Variants in PTPRD observed in about 807,000 individuals in gnomAD.
PTPRD encodes the protein protein tyrosine phosphatase receptor type D.
Under a neutral mutation model 214.5 loss-of-function variants are expected in PTPRD, and 34 were observed. The observed-to-expected ratio is 0.16, with a 90% confidence interval of 0.12 to 0.21. The LOEUF is 0.21. Among genes scored for constraint, PTPRD ranks in the 10% least tolerant of loss-of-function variants. The probability of loss-of-function intolerance (pLI) is 1.00; values close to 1 mark genes in which losing one functional copy is unlikely to be tolerated. For missense variants in PTPRD, 2,545 were observed against 2,398.7 expected (o/e 1.06, Z -1.27); for synonymous variants, 1,128 against 845.7 (o/e 1.33, Z -5.79).
intron 11 of PTPRD, among the ~76,000 whole-genome samples, chr9:8,931,291 T>G (rs1016208877): frequency 1.3e-5 from 2 of 151,998 alleles, no homozygotes; most frequent in Non-Finnish European, 2.9e-5. Flanking sequence ...GTATTATTTT[T>G]GAGGGCTCTG....
At chr9:10,060,123 T>C (rs1192849195) in intron 3 of PTPRD, among the ~76,000 whole-genome samples, 1 of 152,046 alleles carries the variant, frequency 6.6e-6, no homozygotes, top group Non-Finnish European at 1.5e-5. Flanking sequence ...TTTGCTAAAA[T>C]AGCTTTGTCT....
intron 9 of PTPRD, among the ~76,000 whole-genome samples, chr9:9,305,186 A>G (rs1407929518): frequency 6.6e-6 from 1 of 150,454 alleles, no homozygotes; most frequent in Non-Finnish European, 1.5e-5. Flanking sequence ...CAGACATTCC[A>G]TTTTCCAAAA....
intron 5 of PTPRD, among the ~76,000 whole-genome samples, chr9:9,913,356 A>G (rs753690804): frequency 2.8e-4 from 42 of 152,274 alleles, no homozygotes; most frequent in South Asian, 2.1e-3. Flanking sequence ...AATACATGCT[A>G]TATAAATTGC....
At chr9:8,933,327 C>T (rs1381324123) in intron 11 of PTPRD, among the ~76,000 whole-genome samples, 2 of 86,724 alleles carry the variant, frequency 2.3e-5, no homozygotes, top group African/African-American at 8.2e-5. Context: ...ATCTTGCCAG[C>T]CACAACCTTG....
At chr9:10,254,942 A>C (rs2093125638) in intron 3 of PTPRD, among the ~76,000 whole-genome samples, 1 of 151,986 alleles carries the variant, frequency 6.6e-6, no homozygotes, top group Non-Finnish European at 1.5e-5. Context: ...ATATATTACA[A>C]TTTTTTCACT....
At chr9:8,510,181 G>T (rs62534043) in intron 21 of PTPRD, among the ~76,000 whole-genome samples, 1 of 152,026 alleles carries the variant, frequency 6.6e-6, no homozygotes, top group East Asian at 1.9e-4. Context: ...AGTCCCAGCT[G>T]CTTGGGAGGC....
At chr9:10,332,063 TA>T (rs2096760872) in intron 3 of PTPRD, among the ~76,000 whole-genome samples, 1 of 151,864 alleles carries the variant, frequency 6.6e-6, no homozygotes, top group Non-Finnish European at 1.5e-5. Flanking sequence ...ATAATGCATT[TA>T]TTTTTTACAT....
intron 3 of PTPRD, among the ~76,000 whole-genome samples, chr9:10,046,453 A>C (rs992821847): frequency 2.0e-5 from 3 of 151,848 alleles, no homozygotes; most frequent in African/African-American, 4.8e-5. Context: ...CTAATCCTGT[A>C]ATCTTTTTTT....
At chr9:8,825,674 TA>T (rs1447366147) in intron 11 of PTPRD, among the ~76,000 whole-genome samples, 1 of 152,126 alleles carries the variant, frequency 6.6e-6, no homozygotes, top group Non-Finnish European at 1.5e-5. Context: ...AGTAAAGAAA[TA>T]AAAGAATGGC....
At chr9:9,764,787 G>C (rs2098692753) in intron 6 of PTPRD, among the ~76,000 whole-genome samples, 1 of 152,004 alleles carries the variant, frequency 6.6e-6, no homozygotes, top group Non-Finnish European at 1.5e-5. Flanking sequence ...TTCAAACCCA[G>C]GAAGGTCCAA....
At chr9:9,106,474 G>C (rs2099798713) in intron 10 of PTPRD, among the ~76,000 whole-genome samples, 1 of 151,596 alleles carries the variant, frequency 6.6e-6, no homozygotes, top group Non-Finnish European at 1.5e-5. Context: ...AAGTTAATAA[G>C]TAAAAGAGCA....
intron 10 of PTPRD, among the ~76,000 whole-genome samples, chr9:9,113,910 C>CA (rs1360118368): frequency 6.6e-6 from 1 of 151,974 alleles, no homozygotes; most frequent in African/African-American, 2.4e-5. Flanking sequence ...TAGTATTCAC[C>CA]AAAAAATGCT....
In PTPRD at chr9:8,316,240, A is replaced by C. The variant is rs1821674036; in HGVS notation, c.*1634T>G. On this transcript the variant is annotated 3_prime_UTR_variant, in exon 46 of 46. Transcript: ENST00000381196. ...TTCAAAGAGTTTTTGTACATGTGGT[A>C]AACAGATAATGCTTTAATAGAAAGT... The C allele has an allele frequency of 4.3e-6, 1 of 230,024 alleles. No homozygotes were observed. Among genetic ancestry groups the C allele is most frequent in the Admixed American group, 5.7e-5 (1 of 17,638 alleles). The allele number at this position is 230,024 out of a possible 1,614,324, so 14.2% of individuals were successfully genotyped here.
At chr9:9,051,960 C>T (rs898056781) in intron 10 of PTPRD, among the ~76,000 whole-genome samples, 2 of 152,178 alleles carry the variant, frequency 1.3e-5, no homozygotes, top group African/African-American at 4.8e-5. Context: ...GGATTTAAGG[C>T]AACTGTTTTA....
intron 43 of PTPRD, among the ~76,000 whole-genome samples, chr9:8,338,390 C>T (rs1372901260): frequency 6.6e-6 from 1 of 152,078 alleles, no homozygotes; most frequent in African/African-American, 2.4e-5. Context: ...CATGGACAGA[C>T]ACATTAGCAC....
At chr9:8,897,499 G>A (rs1181561695) in intron 11 of PTPRD, among the ~76,000 whole-genome samples, 1 of 152,146 alleles carries the variant, frequency 6.6e-6, no homozygotes, top group Non-Finnish European at 1.5e-5. Context: ...CACAGAGAAT[G>A]TGTGGAAGAT....
At chr9:9,236,363 A>G (rs560787586) in intron 9 of PTPRD, among the ~76,000 whole-genome samples, 2 of 152,248 alleles carry the variant, frequency 1.3e-5, no homozygotes, top group South Asian at 2.1e-4. Context: ...AAAAATGGAC[A>G]CAAAGGAGTA....
At chr9:8,532,337 G>A (rs1258570530) in intron 14 of PTPRD, among the ~76,000 whole-genome samples, 1 of 151,938 alleles carries the variant, frequency 6.6e-6, no homozygotes, top group East Asian at 1.9e-4. Flanking sequence ...TTTAGAAGAC[G>A]TTAATTGCTT....
intron 7 of PTPRD, among the ~76,000 whole-genome samples, chr9:9,667,364 T>C (rs115368483): frequency 5.3e-5 from 8 of 152,246 alleles, no homozygotes; most frequent in African/African-American, 1.7e-4. Context: ...TTTAATTTTC[T>C]TATAGTGCTC....
Sources: gnomAD v4.1 joint callset for allele counts (sites outside exome capture counted in the v4.1 genomes callset) on GRCh38, gnomAD v4.1.1 for gene constraint, MANE v1.5 for transcripts, NCBI Gene and HGNC (gene_info 2026-07-23, HGNC 2026-07-21) for gene names.